INF2: variants seen among roughly 807,000 people sequenced by gnomAD.
INF2 encodes inverted formin-2.
Under a neutral mutation model 123.5 loss-of-function variants are expected in INF2, and 43 were observed. The observed-to-expected ratio is 0.35, with a 90% CI of 0.27 to 0.45. INF2 has a LOEUF of 0.45. Ranked by LOEUF, INF2 falls within the 20% of genes least tolerant of loss-of-function variation. The probability of loss-of-function intolerance (pLI) is 1.00; values close to 1 mark genes in which losing one functional copy is unlikely to be tolerated. For synonymous variants in INF2, 851 were observed against 745.0 expected (o/e 1.14, Z -2.32); for missense variants, 1,453 against 1,682.7 (o/e 0.86, Z 2.39).
Position 104,712,565 on chromosome 14 carries a change from C to G in INF2, c.2610+12C>G. ...CCGAGCGCCTCCAGGCAAGTGGGCA[C>G]CTGGGCCTGGGGCTGGCGGGAGAGG... On this transcript the variant is annotated intron_variant, in intron 17 of 22. Coordinates refer to ENST00000392634, the MANE Select transcript of INF2 (RefSeq NM_022489.4). 1 of 1,612,570 alleles carries G rather than the reference C, an allele frequency of 6.2e-7. No individual in the cohort carries two copies.
At chr14:104,700,404 G>A (rs1478323244) in intron 1 of INF2, among the ~76,000 whole-genome samples, 1 of 152,118 alleles carries the variant, frequency 6.6e-6, no homozygotes, top group Non-Finnish European at 1.5e-5. Context: ...TGCCAGGCCC[G>A]GCCCCCTAGC....
chr14:104,716,986 C>T (rs1254190528), intron 22 of INF2, among the ~76,000 whole-genome samples: 1 of 152,226 alleles, frequency 6.6e-6, no homozygotes, highest in Non-Finnish European at 1.5e-5. Context: ...GCCACCGTGC[C>T]CAGCCCCCAC....
intron 1 of INF2, among the ~76,000 whole-genome samples, chr14:104,700,475 A>G (rs181696843): frequency 1.3e-5 from 2 of 152,134 alleles, no homozygotes; most frequent in East Asian, 1.9e-4. Flanking sequence ...TAAGCCATAC[A>G]TGGTTGCAGG....
Position 104,707,618 on chromosome 14 carries a change from G to A in INF2, c.1351G>A (p.Ala451Thr). The A allele has an allele frequency of 8.9e-7, 1 of 1,127,258 alleles. No homozygotes were observed. Among genetic ancestry groups the A allele is most frequent in the Non-Finnish European group, 1.2e-6 (1 of 800,046 alleles). 69.8% of individuals were successfully genotyped at this position (1,127,258 alleles called of 1,614,324 possible). A position where few individuals can be genotyped will look rare whatever the true frequency, so the allele number is the denominator to read the frequency against. Residue 451 changes from alanine (A) to threonine (T), a missense_variant, in exon 8 of 23, where the codon GCT (alanine) becomes ACT (threonine). By Grantham distance (58) the Ala-to-Thr change is moderately conservative. Coordinates refer to ENST00000392634, the MANE Select transcript of INF2 (RefSeq NM_022489.4). ...ACCACCCCCCCTGCCCAGTGTGGGG[G>A]CTAAGGCCCTCCCAACAGCACCCCC... ...PPPPPLPSVG[A>T]KALPTAPPPP...
Position 104,714,265 on chromosome 14 carries a change from G to T in INF2, c.3103G>T (p.Gly1035Cys). 6.3e-7 allele frequency: 1 copy of T among 1,593,864 alleles called. No individual in the cohort carries two copies. The highest frequency in any genetic ancestry group is 1.3e-5 in the African/African-American group (1 of 74,518). ...CACGCGCTGTCCCGCCTCTGAGCCC[G>T]GCCTTGATGCTACAACAGCCAGCGA... is the stretch of plus-strand genomic sequence containing the variant. ...GSTRCPASEP[G>C]LDATTASESR... The change falls in exon 21 of 23, where the codon GGC (glycine) becomes TGC (cysteine). Residue 1035 changes from glycine (G) to cysteine (C), a missense_variant. This residue lies in a region of INF2 where 344 missense variants were observed against 333.1 expected (regional missense o/e 1.03). Coordinates refer to ENST00000392634, the MANE Select transcript of INF2 (RefSeq NM_022489.4).
chr14:104,709,500 C>A, intron 11 of INF2, 117 bp downstream of exon 11: 2 of 1,281,800 alleles, frequency 1.6e-6, no homozygotes, highest in South Asian at 1.2e-5. Flanking sequence ...CCTACCTCTG[C>A]CCTGAACCGT....
At chr14:104,714,152 C>T (rs1296484135) in intron 20 of INF2, 51 bp from the exon 21 acceptor site, 2 of 1,433,482 alleles carry the variant, frequency 1.4e-6, no homozygotes, top group Non-Finnish European at 1.8e-6. Context: ...TGCACCTGGG[C>T]TGGCTCGGGG....
At chr14:104,701,256 A>G (rs550644874) in intron 1 of INF2, 101 bp from the exon 2 acceptor site, 593 of 1,317,496 alleles carry the variant, frequency 4.5e-4, no homozygotes, top group Non-Finnish European at 6.0e-4. Context: ...GAATTGCAGC[A>G]GAGAAACTGA....
At position 104,712,484 on chromosome 14, in the gene INF2, T is replaced by G. The variant is rs747042606; in HGVS notation, c.2541T>G (p.Leu847=). The G allele has an allele frequency of 6.2e-7, 1 of 1,612,660 alleles. No individual in the cohort carries two copies. Among genetic ancestry groups the G allele is most frequent in the Non-Finnish European group, 8.5e-7 (1 of 1,179,812 alleles). The change falls in exon 17 of 23, where the codon CTT becomes CTG. Residue 847 remains leucine, a synonymous_variant. Transcript: ENST00000392634. Reference sequence around the variant, plus strand: ...AGGCCAGCTCCAACCTGAAGAAGCTTCTGGAGACCGAGCGGAAGGTGTCTG... The same window carrying G: ...AGGCCAGCTCCAACCTGAAGAAGCTGCTGGAGACCGAGCGGAAGGTGTCTG... ...RSEASSNLKK[L]LETERKVSAS...
intron 1 of INF2, among the ~76,000 whole-genome samples, chr14:104,683,188 G>GA (rs71419619): frequency 6.6e-6 from 1 of 151,588 alleles, no homozygotes; most frequent in Non-Finnish European, 1.5e-5. Flanking sequence ...TGCAATGGGG[G>GA]AGGGGAGGGG....
Position 104,707,538 on chromosome 14 carries a change from C to A in INF2, c.1271C>A (p.Pro424His), listed in dbSNP as rs1372825687. The A allele has an allele frequency of 8.1e-7, 1 of 1,235,754 alleles. No individual in the cohort carries two copies. The highest frequency in any genetic ancestry group is 2.5e-5 in the Admixed American group (1 of 40,560). The allele number at this position is 1,235,754 out of a possible 1,614,324, so 76.5% of individuals were successfully genotyped here. ...CAGCAGGCGTCCACCCCACCCCCACCCCCACCCCCACCCCTGCTCCCTGGT... is the reference window on the plus strand; with the variant it reads ...CAGCAGGCGTCCACCCCACCCCCACACCCACCCCCACCCCTGCTCCCTGGT... ...LEQQASTPPP[P>H]PPPPLLPGSS... Residue 424 changes from proline (P) to histidine (H), a missense_variant, in exon 8 of 23, where the codon CCC becomes CAC. Physicochemically the swap from Pro to His is moderately conservative, Grantham distance 77. Coordinates refer to ENST00000392634, the MANE Select transcript of INF2 (RefSeq NM_022489.4).
chr14:104,697,943 G>T lies in INF2; in HGVS notation c.-9-3414G>T, dbSNP rs36074212. ...TGCCCTGACCCTTTTGCTGTCCAAG[G>T]CATGGGGTCTGGCCTGAGCCATGGG... On this transcript the variant is annotated intron_variant, in intron 1 of 22. Transcript: ENST00000392634. 5.7e-3 allele frequency among the ~76,000 whole-genome samples: 876 copies of T among 152,360 alleles called. 3 individuals are homozygous for T. Among genetic ancestry groups the T allele is most frequent in the Non-Finnish European group, 8.6e-3 (584 of 68,032 alleles).
Position 104,706,151 on chromosome 14 carries a change from A to G in INF2, c.818A>G (p.Glu273Gly). 1 of 1,596,370 alleles carries G rather than the reference A, an allele frequency of 6.3e-7. No individual in the cohort carries two copies. Among genetic ancestry groups the G allele is most frequent in the South Asian group, 1.1e-5 (1 of 88,362 alleles). ...GGGGTCGACATGAGCAGCCACCAGG[A>G]GGTCTTTGCCTCCCTGTTCCACAAG... Reference protein sequence around the residue: ...SGGVDMSSHQEVFASLFHKVS... With the variant: ...SGGVDMSSHQGVFASLFHKVS... The change falls in exon 6 of 23, where the codon GAG becomes GGG. Residue 273 changes from glutamate (E) to glycine (G), a missense_variant. Glu to Gly is a moderately conservative substitution (Grantham distance 98, BLOSUM62 -2). Transcript: ENST00000392634.
chr14:104,696,270 C>T (rs1440161982), intron 1 of INF2, among the ~76,000 whole-genome samples: 1 of 152,216 alleles, frequency 6.6e-6, no homozygotes, highest in Non-Finnish European at 1.5e-5. Flanking sequence ...GCCTTGCACT[C>T]CATCCAGATC....
chr14:104,711,562 G>A (rs1890049089), intron 15 of INF2, 67 bp from the exon 16 acceptor site: 1 of 1,417,088 alleles, frequency 7.1e-7, no homozygotes, highest in Non-Finnish European at 1.0e-6. Context: ...TGGGGGAGTG[G>A]GAACAGGGTC....
At chr14:104,702,504 C>G (rs949835997) in intron 2 of INF2, among the ~76,000 whole-genome samples, 6 of 151,666 alleles carry the variant, frequency 4.0e-5, no homozygotes, top group Non-Finnish European at 5.9e-5. Flanking sequence ...CCAGGTCCTA[C>G]CGATGCTTGG....
chr14:104,712,408 C>G (rs192969452), intron 16 of INF2, 25 bp from the exon 17 acceptor site: 2 of 1,611,806 alleles, frequency 1.2e-6, no homozygotes, highest in African/African-American at 1.3e-5. Context: ...GTTGCTGTCT[C>G]TGCCCGGCCC....
intron 21 of INF2, among the ~76,000 whole-genome samples, 180 bp downstream of exon 21, chr14:104,715,036 G>A (rs1389106859): frequency 2.6e-5 from 4 of 152,206 alleles, no homozygotes; most frequent in Non-Finnish European, 5.9e-5. Flanking sequence ...GGGCTGCCGC[G>A]GCCCGTGCAA....
upstream of INF2, chr14:104,685,052 T>C (rs776178921): frequency 6.6e-6 from 1 of 152,242 alleles, no homozygotes; most frequent in Non-Finnish European, 1.5e-5. Flanking sequence ...AGACTGTTCT[T>C]AAGCAAGTAC....
Sources: gnomAD v4.1 joint callset for allele counts (sites outside exome capture counted in the v4.1 genomes callset) on GRCh38, gnomAD v4.1.1 for gene constraint, gnomAD v4.1.1 regional missense constraint, MANE v1.5 for transcripts, NCBI Gene and HGNC (gene_info 2026-07-23, HGNC 2026-07-21) for gene names.